PLGRKT: variants seen among roughly 807,000 people sequenced by gnomAD.
PLGRKT encodes the protein plasminogen receptor with a C-terminal lysine.
In PLGRKT, 22 loss-of-function variants were observed where a neutral mutation model predicts 18.5. The ratio of observed to expected loss-of-function variants is 1.19; its 90% CI spans 0.85 to 1.70. PLGRKT has a LOEUF of 1.70. PLGRKT is among the 40% of genes most tolerant of loss of function. PLGRKT has a pLI of 0.00. For synonymous variants in PLGRKT, 72 were observed against 52.8 expected, an observed-to-expected ratio of 1.36 and a Z score of -1.58; for missense variants, 235 against 174.4, an observed-to-expected ratio of 1.35 and a Z score of -1.96.
intron 2 of PLGRKT, among the ~76,000 whole-genome samples, chr9:5,435,137 A>G: frequency 6.6e-6 from 1 of 151,950 alleles, no homozygotes; most frequent in Non-Finnish European, 1.5e-5. Context: ...GTTAAGAGTC[A>G]CCACCACTCC....
chr9:5,414,459 T>C (rs1038681801), intron 3 of PLGRKT, among the ~76,000 whole-genome samples: 3 of 152,142 alleles, frequency 2.0e-5, no homozygotes, highest in African/African-American at 7.2e-5. Context: ...TGAGCTACCG[T>C]GAATGTATCT....
At chr9:5,360,196 G>T (rs1431379058) in intron 5 of PLGRKT, among the ~76,000 whole-genome samples, 1 of 152,188 alleles carries the variant, frequency 6.6e-6, no homozygotes, top group Admixed American at 6.5e-5. Flanking sequence ...AATATTAGAA[G>T]AATATTTCAC....
intron 3 of PLGRKT, among the ~76,000 whole-genome samples, chr9:5,396,875 CA>C (rs1282034081): frequency 2.0e-5 from 3 of 151,896 alleles, no homozygotes; most frequent in African/African-American, 7.3e-5. Context: ...TTTATCTCAT[CA>C]AAATTAAGCA....
chr9:5,362,981 GC>G (rs1313938879), intron 3 of PLGRKT, among the ~76,000 whole-genome samples: 1 of 152,016 alleles, frequency 6.6e-6, no homozygotes, highest in African/African-American at 2.4e-5. Flanking sequence ...CCTAAGAGAG[GC>G]CGCTTCCATC....
chr9:5,426,602 C>T (rs1057018303), intron 3 of PLGRKT, among the ~76,000 whole-genome samples: 6 of 152,158 alleles, frequency 3.9e-5, no homozygotes, highest in African/African-American at 7.2e-5. Flanking sequence ...TCTTGATCAA[C>T]AAGAAAAACC....
Position 5,374,256 on chromosome 9 carries a change from C to A in PLGRKT, c.82-12368G>T, listed in dbSNP as rs12336856. ...CCTACTCCAGTTCAGACCATCATTA[C>A]CCATCAATAGAACCACTGAGGTGAT... On this transcript the variant is annotated intron_variant, in intron 3 of 5. Coordinates refer to ENST00000223864, the MANE Select transcript of PLGRKT (RefSeq NM_018465.4). Among the ~76,000 whole-genome samples the A allele has an allele frequency of 2.3e-3, 349 of 152,314 alleles. 2 individuals are homozygous for A. Among genetic ancestry groups the A allele is most frequent in the African/African-American group, 7.8e-3 (325 of 41,568 alleles).
At chr9:5,371,043 T>C (rs1181160264) in intron 3 of PLGRKT, among the ~76,000 whole-genome samples, 1 of 152,224 alleles carries the variant, frequency 6.6e-6, no homozygotes, top group South Asian at 2.1e-4. Flanking sequence ...CAGCATCTTA[T>C]TATATATCTT....
chr9:5,432,986 G>T (rs538810217), intron 2 of PLGRKT, among the ~76,000 whole-genome samples: 1 of 150,746 alleles, frequency 6.6e-6, no homozygotes, highest in Non-Finnish European at 1.5e-5. Flanking sequence ...ATCTCTGCCC[G>T]GCCGCCACCC....
chr9:5,417,741 G>C (rs1818491748), intron 3 of PLGRKT, among the ~76,000 whole-genome samples: 1 of 150,238 alleles, frequency 6.7e-6, no homozygotes, highest in Non-Finnish European at 1.5e-5. Context: ...CTAATTACAA[G>C]TGAAGAAAAT....
intron 3 of PLGRKT, among the ~76,000 whole-genome samples, chr9:5,364,715 C>G (rs1238542514): frequency 1.3e-5 from 2 of 152,180 alleles, no homozygotes; most frequent in Non-Finnish European, 2.9e-5. Flanking sequence ...GTAAAACTGT[C>G]TCTCACGAGT....
At chr9:5,422,658 T>C (rs1818600150) in intron 3 of PLGRKT, among the ~76,000 whole-genome samples, 2 of 152,298 alleles carry the variant, frequency 1.3e-5, no homozygotes, top group South Asian at 2.1e-4. Flanking sequence ...TTGCATATGA[T>C]AGGAAGAAAT....
intron 3 of PLGRKT, among the ~76,000 whole-genome samples, chr9:5,367,415 G>T (rs1418626191): frequency 5.9e-5 from 9 of 152,086 alleles, no homozygotes; most frequent in Non-Finnish European, 1.2e-4. Context: ...GAAAAGAATA[G>T]AGAATTCATA....
intron 3 of PLGRKT, among the ~76,000 whole-genome samples, chr9:5,430,534 T>C (rs1227447861): frequency 1.3e-5 from 2 of 152,246 alleles, no homozygotes; most frequent in South Asian, 2.1e-4. Flanking sequence ...GAGAAGCATT[T>C]TTCTAAAAAC....
chr9:5,378,145 C>A lies in PLGRKT; in HGVS notation c.82-16257G>T, dbSNP rs72703667. 4.2e-3 allele frequency among the ~76,000 whole-genome samples: 644 copies of A among 152,302 alleles called. 4 individuals are homozygous for A. Among genetic ancestry groups the A allele is most frequent in the Non-Finnish European group, 7.4e-3 (500 of 68,026 alleles). ...CCTGGTTCTTCATCATACATTTGAA[C>A]AGGCAACCAAGGGCTACCAGACATT... is the stretch of plus-strand genomic sequence containing the variant. On this transcript the variant is annotated intron_variant, in intron 3 of 5. Transcript: ENST00000223864.
chr9:5,363,908 A>T (rs1226225747), intron 3 of PLGRKT, among the ~76,000 whole-genome samples: 2 of 152,374 alleles, frequency 1.3e-5, no homozygotes, highest in African/African-American at 4.8e-5. Context: ...ATTAGAGTTT[A>T]AAAATAGATG....
At chr9:5,368,907 C>A (rs1056726705) in intron 3 of PLGRKT, among the ~76,000 whole-genome samples, 3 of 152,008 alleles carry the variant, frequency 2.0e-5, no homozygotes, top group African/African-American at 4.8e-5. Context: ...TAGCCATATG[C>A]AGAAAACTGA....
rs147112113 is a variant in PLGRKT, at chr9:5,390,536, C to G, written c.82-28648G>C. Among the ~76,000 whole-genome samples, 595 of 151,992 alleles carry G rather than the reference C, an allele frequency of 3.9e-3. 20 individuals carry two copies. The highest frequency in any genetic ancestry group is 0.014 in the African/African-American group (559 of 41,274). The stretch of plus-strand genomic sequence containing the variant: ...TCACATCATTCTCACCTTTCCTCTA[C>G]AAATGATGTTTATTCTCCTTGGCAT... On this transcript the variant is annotated intron_variant, in intron 3 of 5. Transcript: ENST00000223864.
At chr9:5,359,508 G>A (rs1817215401) in intron 5 of PLGRKT, among the ~76,000 whole-genome samples, 1 of 152,108 alleles carries the variant, frequency 6.6e-6, no homozygotes, top group African/African-American at 2.4e-5. Flanking sequence ...TAATTAGGTT[G>A]GCCATTGATG....
intron 3 of PLGRKT, among the ~76,000 whole-genome samples, chr9:5,409,319 C>A (rs528069058): frequency 2.8e-4 from 43 of 152,304 alleles, no homozygotes; most frequent in African/African-American, 9.6e-4. Context: ...AATCAGCTGC[C>A]AGTGAATATA....
Sources: gnomAD v4.1 joint callset for allele counts (sites outside exome capture counted in the v4.1 genomes callset) on GRCh38, gnomAD v4.1.1 for gene constraint, MANE v1.5 for transcripts, NCBI Gene and HGNC (gene_info 2026-07-23, HGNC 2026-07-21) for gene names.